The following CACNA2D3 variants were observed in gnomAD, a reference collection of about 807,000 sequenced individuals.
CACNA2D3 encodes calcium voltage-gated channel auxiliary subunit alpha2delta 3, also known as voltage-dependent calcium channel subunit alpha-2/delta-3.
CACNA2D3 carries 60 observed loss-of-function variants against 160.6 expected under a neutral mutation model. The observed-to-expected ratio is 0.37, with a 90% CI of 0.30 to 0.46. CACNA2D3 has a LOEUF of 0.46. CACNA2D3 is among the 20% of genes least tolerant of loss of function. The pLI, the probability that CACNA2D3 is intolerant of heterozygous loss-of-function variation, is 1.00. For synonymous variants in CACNA2D3, 558 were observed against 492.9 expected (o/e 1.13, Z -1.75); for missense variants, 1,205 against 1,365.0 (o/e 0.88, Z 1.85).
At chr3:54,929,519 A>G (rs1450000681) in intron 27 of CACNA2D3, among the ~76,000 whole-genome samples, 1 of 151,876 alleles carries the variant, frequency 6.6e-6, no homozygotes, top group Non-Finnish European at 1.5e-5. Flanking sequence ...TACTTTGTGG[A>G]CTCTTTCATC....
intron 11 of CACNA2D3, among the ~76,000 whole-genome samples, chr3:54,652,749 G>A (rs1367949672): frequency 6.7e-6 from 1 of 150,094 alleles, no homozygotes; most frequent in Non-Finnish European, 1.5e-5. Flanking sequence ...ATGTTGGGAT[G>A]TGATCCAAGG....
chr3:54,428,395 G>A (rs1241002913), intron 4 of CACNA2D3, among the ~76,000 whole-genome samples: 1 of 152,108 alleles, frequency 6.6e-6, no homozygotes, highest in Non-Finnish European at 1.5e-5. Flanking sequence ...TGTTAAGATA[G>A]GATGAGGCAC....
chr3:54,382,458 A>G (rs1344669468), intron 3 of CACNA2D3, among the ~76,000 whole-genome samples: 1 of 152,206 alleles, frequency 6.6e-6, no homozygotes, highest in East Asian at 1.9e-4. Context: ...ACTTTGTTAG[A>G]TGATGAATCA....
chr3:55,034,483 A>G (rs4955921), intron 35 of CACNA2D3, among the ~76,000 whole-genome samples: 49,718 of 151,748 alleles, frequency 0.33, 8,490 homozygotes, highest in East Asian at 0.37. Flanking sequence ...TTTCCTATAT[A>G]TTGCATTAAA....
chr3:54,425,375 T>G (rs1204279546), intron 4 of CACNA2D3, among the ~76,000 whole-genome samples: 3 of 152,120 alleles, frequency 2.0e-5, no homozygotes, highest in African/African-American at 7.2e-5. Flanking sequence ...AAGATTTAAT[T>G]TCAAAGGCCA....
At chr3:54,370,662 C>T (rs1698910582) in intron 3 of CACNA2D3, among the ~76,000 whole-genome samples, 1 of 152,174 alleles carries the variant, frequency 6.6e-6, no homozygotes, top group African/African-American at 2.4e-5. Context: ...AACAACATTG[C>T]ACTCTAATAT....
chr3:54,864,475 T>C (rs761758108), intron 17 of CACNA2D3, among the ~76,000 whole-genome samples: 1 of 152,134 alleles, frequency 6.6e-6, no homozygotes, highest in African/African-American at 2.4e-5. Flanking sequence ...GTTTTTGCCA[T>C]GTTGGCCAGG....
intron 4 of CACNA2D3, among the ~76,000 whole-genome samples, chr3:54,433,723 C>T (rs752724268): frequency 6.6e-6 from 1 of 152,176 alleles, no homozygotes; most frequent in Non-Finnish European, 1.5e-5. Context: ...ACTTCTCACA[C>T]ATTATGAACA....
chr3:54,635,157 G>A (rs978049403), intron 10 of CACNA2D3, among the ~76,000 whole-genome samples: 1 of 151,860 alleles, frequency 6.6e-6, no homozygotes, highest in Non-Finnish European at 1.5e-5. Context: ...AACATTTGTT[G>A]TATAGAATGA....
intron 4 of CACNA2D3, among the ~76,000 whole-genome samples, chr3:54,387,632 A>G (rs1699210379): frequency 6.6e-6 from 1 of 151,438 alleles, no homozygotes; most frequent in Non-Finnish European, 1.5e-5. Context: ...AGCCTGGGTG[A>G]CAGAGTGAGA....
rs371862773 is a variant in CACNA2D3, at chr3:54,791,158, A to G, written c.1381-25695A>G. Reference sequence around the variant, plus strand: ...TCCACATGACAGATGCCTGGGAAACATGTCCTAATCAATTGATTCCATCTT... The same window carrying G: ...TCCACATGACAGATGCCTGGGAAACGTGTCCTAATCAATTGATTCCATCTT... On this transcript the variant is annotated intron_variant, in intron 13 of 37. Coordinates refer to ENST00000474759, the MANE Select transcript of CACNA2D3 (RefSeq NM_018398.3). Among the ~76,000 whole-genome samples, 18 of 152,286 alleles carry G rather than the reference A, an allele frequency of 1.2e-4. 1 individual carries two copies. The highest frequency in any genetic ancestry group is 4.3e-4 in the African/African-American group (18 of 41,554).
rs372086680 is a variant in CACNA2D3, at chr3:54,924,732, G to T, written c.2449+24864G>T. 9.3e-6 allele frequency: 15 copies of T among 1,613,982 alleles called. No individual in the cohort carries two copies. The highest frequency in any genetic ancestry group is 2.2e-5 in the East Asian group (1 of 44,876). ...CACACTGGGCATGGATTCCAGGAGC[G>T]CTCGATCAAGCTGCTGAAGCTGGTT... On this transcript the variant is annotated intron_variant, in intron 27 of 37. Transcript: ENST00000474759.
intron 9 of CACNA2D3, among the ~76,000 whole-genome samples, chr3:54,599,641 C>T (rs905313198): frequency 2.0e-5 from 3 of 152,182 alleles, no homozygotes; most frequent in Middle Eastern, 3.4e-3. Flanking sequence ...GTAGGCAAAA[C>T]GGTGGTCTTT....
intron 5 of CACNA2D3, among the ~76,000 whole-genome samples, chr3:54,512,677 C>A (rs531564467): frequency 6.6e-6 from 1 of 152,276 alleles, no homozygotes; most frequent in South Asian, 2.1e-4. Flanking sequence ...TGCTCTCCAC[C>A]CACCTGCTCA....
chr3:54,898,371 C>T (rs753671854), intron 26 of CACNA2D3, among the ~76,000 whole-genome samples: 1 of 151,730 alleles, frequency 6.6e-6, no homozygotes, highest in African/African-American at 2.4e-5. Flanking sequence ...TACAGGCACC[C>T]GCCACCATAC....
intron 2 of CACNA2D3, among the ~76,000 whole-genome samples, chr3:54,269,566 T>C (rs1428296395): frequency 6.6e-6 from 1 of 152,124 alleles, no homozygotes; most frequent in Non-Finnish European, 1.5e-5. Context: ...TGGTGTGCTG[T>C]GATGGCAAGA....
At chr3:55,017,842 C>G (rs879298103) in intron 34 of CACNA2D3, among the ~76,000 whole-genome samples, 1 of 152,156 alleles carries the variant, frequency 6.6e-6, no homozygotes, top group Non-Finnish European at 1.5e-5. Flanking sequence ...TTGTCTCACC[C>G]TAAATAATAT....
intron 2 of CACNA2D3, among the ~76,000 whole-genome samples, chr3:54,273,685 C>T (rs1018298000): frequency 6.6e-6 from 1 of 152,172 alleles, no homozygotes; most frequent in Non-Finnish European, 1.5e-5. Flanking sequence ...GATGACCACC[C>T]GACTGGGAAG....
intron 2 of CACNA2D3, among the ~76,000 whole-genome samples, chr3:54,312,194 G>T (rs931689920): frequency 6.6e-6 from 1 of 152,134 alleles, no homozygotes; most frequent in Admixed American, 6.5e-5. Context: ...TTCACTTGGG[G>T]ATGGGCAGGT....
Sources: gnomAD v4.1 joint callset for allele counts (sites outside exome capture counted in the v4.1 genomes callset) on GRCh38, gnomAD v4.1.1 for gene constraint, MANE v1.5 for transcripts, NCBI Gene and HGNC (gene_info 2026-07-23, HGNC 2026-07-21) for gene names.